The following PJA2 variants were observed in gnomAD, a reference collection of about 807,000 sequenced individuals.
PJA2 encodes the protein praja ring finger ubiquitin ligase 2, also known as E3 ubiquitin-protein ligase Praja-2.
A neutral mutation model predicts 69.3 loss-of-function variants in PJA2; 25 were observed. The ratio of observed to expected loss-of-function variants is 0.36; its 90% CI spans 0.26 to 0.50. The LOEUF (loss-of-function observed/expected upper bound fraction) is 0.50, where lower values mean the gene tolerates loss of function less well. Among genes scored for constraint, PJA2 ranks in the 20% least tolerant of loss-of-function variants. PJA2 has a pLI of 0.96. For synonymous variants in PJA2, 308 were observed against 277.8 expected (o/e 1.11, Z -1.08); for missense variants, 809 against 830.2 (o/e 0.97, Z 0.31).
At chr5:109,388,412 AAT>A (rs1182344227) in intron 1 of PJA2, among the ~76,000 whole-genome samples, 8 of 152,172 alleles carry the variant, frequency 5.3e-5, no homozygotes, top group African/African-American at 1.9e-4. Context: ...GCTGCTCCTG[AAT>A]TTCGAACCCA....
In PJA2 at chr5:109,334,817, CT is replaced by C. The variant is rs1761909963; in HGVS notation, c.*2413del. On this transcript the variant is annotated 3_prime_UTR_variant, in exon 10 of 10. Coordinates refer to ENST00000361189, the MANE Select transcript of PJA2 (RefSeq NM_014819.5). ...ACCAACCATTACATTTAGACCTGGG[CT>C]TTTGAAAAACTTGCATTCCATTTTA... 1 of 152,506 alleles carries C rather than the reference CT, an allele frequency of 6.6e-6. No individual in the cohort carries two copies. The highest frequency in any genetic ancestry group is 1.5e-5 in the Non-Finnish European group (1 of 68,014). The allele number at this position is 152,506 out of a possible 1,614,324, so 9.4% of individuals were successfully genotyped here. A position where few individuals can be genotyped will look rare whatever the true frequency, so the allele number is the denominator to read the frequency against.
chr5:109,361,481 G>A (rs1762504178), intron 6 of PJA2, among the ~76,000 whole-genome samples: 1 of 152,164 alleles, frequency 6.6e-6, no homozygotes, highest in Admixed American at 6.5e-5. Flanking sequence ...AACCGTAATT[G>A]CCTCCCAACA....
chr5:109,334,858 T>C lies in PJA2; in HGVS notation c.*2373A>G, dbSNP rs1761910654. On this transcript the variant is annotated 3_prime_UTR_variant, in exon 10 of 10. Coordinates refer to ENST00000361189, the MANE Select transcript of PJA2 (RefSeq NM_014819.5). Reference sequence around the variant, plus strand: ...ATTCCATTTTAACAATTCGTATGTATCTAACAAATACATAAATCCAGATCA... The same window carrying C: ...ATTCCATTTTAACAATTCGTATGTACCTAACAAATACATAAATCCAGATCA... 6.6e-6 allele frequency: 1 copy of C among 152,584 alleles called. No homozygotes were observed. The highest frequency in any genetic ancestry group is 6.5e-5 in the Admixed American group (1 of 15,272). The allele number at this position is 152,584 out of a possible 1,614,324, so 9.5% of individuals were successfully genotyped here. A position where few individuals can be genotyped will look rare whatever the true frequency, so the allele number is the denominator to read the frequency against.
chr5:109,379,691 C>A (rs1021709745), intron 3 of PJA2, among the ~76,000 whole-genome samples: 4 of 152,158 alleles, frequency 2.6e-5, no homozygotes, highest in African/African-American at 9.7e-5. Context: ...GTACTTATGA[C>A]AGATATAATA....
chr5:109,386,358 G>A (rs775999924), intron 1 of PJA2, among the ~76,000 whole-genome samples: 6 of 152,104 alleles, frequency 3.9e-5, no homozygotes, highest in Non-Finnish European at 5.9e-5. Context: ...GGCGAATGGC[G>A]GCACCTTTGG....
At chr5:109,402,655 T>C (rs78581022) in intron 1 of PJA2, among the ~76,000 whole-genome samples, 5,767 of 152,238 alleles carry the variant, frequency 0.038, 109 homozygotes, top group Middle Eastern at 0.051. Flanking sequence ...CTAACAAGCA[T>C]CATCAATCAA....
intron 6 of PJA2, among the ~76,000 whole-genome samples, chr5:109,361,274 G>C (rs1237387861): frequency 2.0e-5 from 3 of 152,132 alleles, no homozygotes; most frequent in Non-Finnish European, 4.4e-5. Flanking sequence ...CCAATTATTT[G>C]TCCTAAAGGA....
At chr5:109,340,621 TCCCCCTCCCCCTCCCCCTCCCC>T (rs1342745309) in intron 9 of PJA2, among the ~76,000 whole-genome samples, 214 of 7,450 alleles carry the variant, frequency 0.029, 79 homozygotes, top group Middle Eastern at 0.1. Flanking sequence ...ATTGGGTCCC[TCCCCCTCCCCCTCCCCCTCCCC>T]CTCCCCCTCC....
At chr5:109,383,026 T>A (rs553444462) in intron 2 of PJA2, among the ~76,000 whole-genome samples, 2 of 152,196 alleles carry the variant, frequency 1.3e-5, no homozygotes, top group Non-Finnish European at 2.9e-5. Flanking sequence ...ATCCCATCAG[T>A]AATCTTGAGG....
At chr5:109,402,845 C>G (rs936900184) in intron 1 of PJA2, among the ~76,000 whole-genome samples, 1 of 151,848 alleles carries the variant, frequency 6.6e-6, no homozygotes, top group African/African-American at 2.4e-5. Context: ...AAACAGCAAC[C>G]TTCATGGGTC....
intron 9 of PJA2, among the ~76,000 whole-genome samples, chr5:109,340,635 C>T (rs149783716): frequency 0.82 from 1,456 of 1,782 alleles, 627 homozygotes; most frequent in South Asian, 0.89. Flanking sequence ...CCTCCCCCTC[C>T]CCCTCCCCCT....
chr5:109,363,387 C>T (rs900983576), intron 5 of PJA2, among the ~76,000 whole-genome samples: 1 of 152,208 alleles, frequency 6.6e-6, no homozygotes, highest in Non-Finnish European at 1.5e-5. Context: ...CTGAATTCCT[C>T]AACCTGGCCT....
chr5:109,380,530 G>A (rs754903711), intron 3 of PJA2, among the ~76,000 whole-genome samples: 9 of 152,030 alleles, frequency 5.9e-5, no homozygotes, highest in East Asian at 3.9e-4. Context: ...AAAGTTGGCC[G>A]GGCACAATGG....
At chr5:109,398,778 TA>T (rs141088161) in intron 1 of PJA2, among the ~76,000 whole-genome samples, 6 of 147,458 alleles carry the variant, frequency 4.1e-5, no homozygotes, top group South Asian at 2.2e-4. Flanking sequence ...AAGTATAATT[TA>T]AAAAAAAAAG....
At chr5:109,393,445 A>G (rs1747327707) in intron 1 of PJA2, among the ~76,000 whole-genome samples, 2 of 152,174 alleles carry the variant, frequency 1.3e-5, no homozygotes, top group Admixed American at 1.3e-4. Flanking sequence ...ACCTGAACAT[A>G]TGCATATGAT....
chr5:109,379,310 AT>A, intron 3 of PJA2, 56 bp from the exon 4 acceptor site: 1 of 1,229,860 alleles, frequency 8.1e-7, no homozygotes, highest in South Asian at 1.5e-5. Flanking sequence ...ATAAAATTTT[AT>A]GTAATAACTA....
intron 7 of PJA2, among the ~76,000 whole-genome samples, chr5:109,346,914 A>C (rs980563127): frequency 6.6e-6 from 1 of 152,230 alleles, no homozygotes; most frequent in Non-Finnish European, 1.5e-5. Context: ...TAGAAGAAGA[A>C]TTCTGCCTGA....
chr5:109,386,392 G>T (rs998341825), intron 1 of PJA2, among the ~76,000 whole-genome samples: 11 of 152,284 alleles, frequency 7.2e-5, no homozygotes, highest in South Asian at 6.2e-4. Flanking sequence ...GCAAATGCCT[G>T]ATAGGAATGC....
intron 1 of PJA2, among the ~76,000 whole-genome samples, chr5:109,394,352 G>A (rs1747356185): frequency 6.6e-6 from 1 of 152,030 alleles, no homozygotes; most frequent in Non-Finnish European, 1.5e-5. Context: ...CCAGCCACAT[G>A]CTAGTTCTCG....
Sources: gnomAD v4.1 joint callset for allele counts (sites outside exome capture counted in the v4.1 genomes callset) on GRCh38, gnomAD v4.1.1 for gene constraint, MANE v1.5 for transcripts, NCBI Gene and HGNC (gene_info 2026-07-23, HGNC 2026-07-21) for gene names.